Variants in CLMP observed in about 807,000 individuals in gnomAD.
CLMP encodes CXADR like cell adhesion molecule.
CLMP carries 27 observed loss-of-function variants against 45.2 expected under a neutral mutation model. The ratio of observed to expected loss-of-function variants is 0.60; its 90% CI spans 0.44 to 0.82. CLMP has a LOEUF of 0.82. CLMP is among the 40% of genes least tolerant of loss of function. CLMP has a pLI of 0.00. For missense variants in CLMP, 403 were observed against 448.4 expected, an observed-to-expected ratio of 0.90 and a Z score of 0.91; for synonymous variants, 167 against 171.4, an observed-to-expected ratio of 0.97 and a Z score of 0.20.
At chr11:123,128,232 A>T (rs911534420) in intron 1 of CLMP, among the ~76,000 whole-genome samples, 1 of 146,674 alleles carries the variant, frequency 6.8e-6, no homozygotes, top group Non-Finnish European at 1.5e-5. Flanking sequence ...ATTCATGATT[A>T]AAAAAAGAAA....
intron 1 of CLMP, among the ~76,000 whole-genome samples, chr11:123,150,480 A>AAAGAGGAAGG (rs764502298): frequency 2.4e-5 from 1 of 40,962 alleles, no homozygotes; most frequent in Non-Finnish European, 4.7e-5. Context: ...AGAAAGAAAG[A>AAAGAGGAAGG]AAGGAAGGAA....
chr11:123,129,715 A>T (rs1860958258), intron 1 of CLMP, among the ~76,000 whole-genome samples: 1 of 142,652 alleles, frequency 7.0e-6, no homozygotes, highest in Non-Finnish European at 1.5e-5. Flanking sequence ...ATATTATATA[A>T]TATATAGATA....
rs898053418 is a variant in CLMP, at chr11:123,070,033, A to G, written c.*3441T>C. 6 of 152,232 alleles carry G rather than the reference A, an allele frequency of 3.9e-5. No homozygotes were observed. The highest frequency in any genetic ancestry group is 3.9e-4 in the Admixed American group (6 of 15,278). 9.4% of individuals were successfully genotyped at this position (152,232 alleles called of 1,614,324 possible). The stretch of plus-strand genomic sequence containing the variant: ...TAACACCAGAAGGAAGCAAAACTAT[A>G]TATGTCTTTTTGCAACAGCAGTTCC... On this transcript the variant is annotated 3_prime_UTR_variant, in exon 7 of 7. Transcript: ENST00000448775.
chr11:123,189,975 C>G (rs1861885293), intron 1 of CLMP, among the ~76,000 whole-genome samples: 1 of 144,586 alleles, frequency 6.9e-6, no homozygotes. Context: ...GCACTCTAGC[C>G]TAGGTGACAG....
chr11:123,114,864 C>A (rs1860698593), intron 1 of CLMP, among the ~76,000 whole-genome samples: 2 of 152,094 alleles, frequency 1.3e-5, no homozygotes, highest in South Asian at 4.1e-4. Context: ...GATTAACTTG[C>A]CCAAGATCGC....
At chr11:123,082,298 A>G (rs1865814570) in intron 5 of CLMP, among the ~76,000 whole-genome samples, 1 of 152,352 alleles carries the variant, frequency 6.6e-6, no homozygotes, top group South Asian at 2.1e-4. Flanking sequence ...TTGTAAATAC[A>G]GAGTCAACTG....
chr11:123,143,940 C>T (rs4435010), intron 1 of CLMP, among the ~76,000 whole-genome samples: 42,411 of 151,892 alleles, frequency 0.28, 6,618 homozygotes, highest in African/African-American at 0.42. Context: ...TCCTGAATAG[C>T]AGGGACTACA....
intron 1 of CLMP, among the ~76,000 whole-genome samples, chr11:123,098,652 C>A (rs1193442461): frequency 6.6e-6 from 1 of 151,500 alleles, no homozygotes; most frequent in East Asian, 1.9e-4. Flanking sequence ...CCTCCCACCT[C>A]AGGCTCCAGA....
At position 123,097,764 on chromosome 11, in the gene CLMP, G is replaced by A. The variant is rs533120129; in HGVS notation, c.186+31C>T. On this transcript the variant is annotated intron_variant, in intron 2 of 6. Coordinates refer to ENST00000448775, the MANE Select transcript of CLMP (RefSeq NM_024769.5). Reference sequence around the variant, plus strand: ...AAGGCAAATGCAGGAGGACAAGAAGGAGGAGGGACTCCAGCCAGGTGTCTA... The same window carrying A: ...AAGGCAAATGCAGGAGGACAAGAAGAAGGAGGGACTCCAGCCAGGTGTCTA... 9.3e-6 allele frequency: 14 copies of A among 1,508,330 alleles called. No homozygotes were observed. The South Asian group carries it at 1.7e-4, about 18-fold the overall frequency. The allele number at this position is 1,508,330 out of a possible 1,614,324, so 93.4% of individuals were successfully genotyped here.
chr11:123,152,916 TTGTG>T (rs1861358848), intron 1 of CLMP, among the ~76,000 whole-genome samples: 1 of 152,000 alleles, frequency 6.6e-6, no homozygotes, highest in Non-Finnish European at 1.5e-5. Flanking sequence ...AGCATAGAGG[TTGTG>T]TGCGTAATAT....
chr11:123,106,320 A>C (rs986648618), intron 1 of CLMP, among the ~76,000 whole-genome samples: 1 of 149,514 alleles, frequency 6.7e-6, no homozygotes, highest in Non-Finnish European at 1.5e-5. Flanking sequence ...TTTTCAATGA[A>C]CCTTCAGCGG....
chr11:123,114,344 A>G (rs1860688982), intron 1 of CLMP, among the ~76,000 whole-genome samples: 1 of 152,108 alleles, frequency 6.6e-6, no homozygotes, highest in African/African-American at 2.4e-5. Context: ...TTTGAACTTC[A>G]TCCCTGCTCC....
intron 1 of CLMP, among the ~76,000 whole-genome samples, chr11:123,134,533 A>G (rs12274172): frequency 0.28 from 41,049 of 148,982 alleles, 6,333 homozygotes; most frequent in African/African-American, 0.43. Flanking sequence ...TAGACTGGGC[A>G]CGGTGGCTCA....
intron 2 of CLMP, among the ~76,000 whole-genome samples, chr11:123,088,169 C>G (rs1865887389): frequency 6.6e-6 from 1 of 152,038 alleles, no homozygotes; most frequent in Non-Finnish European, 1.5e-5. Flanking sequence ...CTCGGCCTCC[C>G]AAAGTGCTGG....
chr11:123,104,585 C>T (rs1301959416), intron 1 of CLMP, among the ~76,000 whole-genome samples: 3 of 151,830 alleles, frequency 2.0e-5, no homozygotes, highest in Non-Finnish European at 4.4e-5. Flanking sequence ...GGGGTTTCAC[C>T]ATGTTGGCCA....
chr11:123,131,208 A>G lies in CLMP; in HGVS notation c.29-33256T>C, dbSNP rs549642627. Among the ~76,000 whole-genome samples the G allele has an allele frequency of 2.0e-5, 3 of 152,164 alleles. No homozygotes were observed. The East Asian group carries it at 5.8e-4, about 29-fold the overall frequency. ...AGGTGATCATTTTTCTTTCCCCCCA[A>G]ATAGTATGACTGTTTAGTTTTAGAT... On this transcript the variant is annotated intron_variant, in intron 1 of 6. Transcript: ENST00000448775.
At chr11:123,090,948 T>C (rs572377470) in intron 2 of CLMP, among the ~76,000 whole-genome samples, 29 of 152,322 alleles carry the variant, frequency 1.9e-4, no homozygotes, top group Admixed American at 2.6e-4. Context: ...CCTAAGTCTA[T>C]AAGTAACTAT....
chr11:123,167,394 T>C (rs989739895), intron 1 of CLMP, among the ~76,000 whole-genome samples: 3 of 152,160 alleles, frequency 2.0e-5, no homozygotes, highest in Non-Finnish European at 4.4e-5. Flanking sequence ...CACACCATTC[T>C]CCTGCCTCAG....
intron 1 of CLMP, among the ~76,000 whole-genome samples, chr11:123,106,681 C>T (rs1337976633): frequency 3.3e-5 from 5 of 151,984 alleles, no homozygotes; most frequent in African/African-American, 9.7e-5. Flanking sequence ...CTAGCACTGG[C>T]GCATGGTATG....
Sources: allele counts gnomAD v4.1 joint callset (sites outside exome capture counted in the v4.1 genomes callset), GRCh38; gene constraint gnomAD v4.1.1; transcripts MANE v1.5; gene names NCBI Gene and HGNC (gene_info 2026-07-23, HGNC 2026-07-21).